GRIN2A: variants seen among roughly 807,000 people sequenced by gnomAD.
GRIN2A encodes the protein glutamate receptor ionotropic, NMDA 2A.
GRIN2A carries 22 observed loss-of-function variants against 113.4 expected under a neutral mutation model. The observed-to-expected ratio is 0.19, with a 90% confidence interval of 0.14 to 0.28. The LOEUF (loss-of-function observed/expected upper bound fraction) is 0.28, where lower values mean the gene tolerates loss of function less well. Ranked by LOEUF, GRIN2A falls within the 10% of genes least tolerant of loss-of-function variation. GRIN2A has a pLI of 1.00. For synonymous variants in GRIN2A, 827 were observed against 738.4 expected (o/e 1.12, Z -1.94); for missense variants, 1,502 against 1,887.0 (o/e 0.80, Z 3.78).
intron 3 of GRIN2A, among the ~76,000 whole-genome samples, chr16:9,927,618 A>G (rs1342416429): frequency 6.6e-6 from 1 of 152,176 alleles, no homozygotes; most frequent in Non-Finnish European, 1.5e-5. Context: ...AAACATCCTA[A>G]CTCACATCTA....
chr16:10,037,669 A>G (rs1461036564), intron 2 of GRIN2A, among the ~76,000 whole-genome samples: 2 of 152,134 alleles, frequency 1.3e-5, no homozygotes, highest in African/African-American at 2.4e-5. Flanking sequence ...ACTGTCACCC[A>G]GGCTGGTGTG....
At chr16:10,126,776 C>A (rs2142202169) in intron 2 of GRIN2A, among the ~76,000 whole-genome samples, 2 of 152,312 alleles carry the variant, frequency 1.3e-5, no homozygotes, top group South Asian at 4.1e-4. Flanking sequence ...AAAATATTGT[C>A]TTTGAAATAT....
At chr16:9,783,995 G>A (rs1244017864) in intron 11 of GRIN2A, among the ~76,000 whole-genome samples, 8 of 151,996 alleles carry the variant, frequency 5.3e-5, no homozygotes, top group Admixed American at 4.6e-4. Context: ...AGGAGGGAGA[G>A]GATCAGGAAA....
At chr16:9,835,112 C>A (rs1261433967) in intron 7 of GRIN2A, among the ~76,000 whole-genome samples, 1 of 152,216 alleles carries the variant, frequency 6.6e-6, no homozygotes, top group Non-Finnish European at 1.5e-5. Context: ...ACCACACTCT[C>A]CATTTCACCT....
chr16:10,176,614 C>A (rs991825503), intron 2 of GRIN2A, among the ~76,000 whole-genome samples: 2 of 149,584 alleles, frequency 1.3e-5, no homozygotes, highest in African/African-American at 4.9e-5. Context: ...AAACCAAACA[C>A]CGCATGTTCT....
intron 2 of GRIN2A, among the ~76,000 whole-genome samples, chr16:10,075,494 G>A (rs990268939): frequency 5.3e-5 from 8 of 152,092 alleles, no homozygotes; most frequent in Non-Finnish European, 8.8e-5. Flanking sequence ...GATTTGGAAC[G>A]ATGGAAAAGT....
intron 2 of GRIN2A, among the ~76,000 whole-genome samples, chr16:9,991,547 C>T (rs920297393): frequency 2.6e-5 from 4 of 152,184 alleles, no homozygotes; most frequent in African/African-American, 9.7e-5. Flanking sequence ...TTCTTCACCT[C>T]CTCCCATTCC....
intron 4 of GRIN2A, among the ~76,000 whole-genome samples, chr16:9,866,784 G>A (rs1223678195): frequency 6.6e-6 from 1 of 152,112 alleles, no homozygotes. Context: ...ACCACCTCCA[G>A]TCCACTGTAG....
chr16:9,855,206 T>G (rs1176003374), intron 4 of GRIN2A, among the ~76,000 whole-genome samples: 1 of 152,200 alleles, frequency 6.6e-6, no homozygotes, highest in Non-Finnish European at 1.5e-5. Context: ...TTGTCACTGC[T>G]TTAGCCATGT....
chr16:9,921,680 A>G (rs2044361068), intron 3 of GRIN2A, among the ~76,000 whole-genome samples: 1 of 152,198 alleles, frequency 6.6e-6, no homozygotes, highest in Non-Finnish European at 1.5e-5. Context: ...AAGTGTCTAC[A>G]CTATGCTGGG....
intron 11 of GRIN2A, among the ~76,000 whole-genome samples, chr16:9,795,499 TA>T (rs1902924944): frequency 6.6e-6 from 1 of 152,246 alleles, no homozygotes; most frequent in African/African-American, 2.4e-5. Context: ...TTAACTTTCT[TA>T]ATAAACTTGC....
At chr16:9,857,234 A>G (rs1048347567) in intron 4 of GRIN2A, among the ~76,000 whole-genome samples, 13 of 152,350 alleles carry the variant, frequency 8.5e-5, no homozygotes, top group Admixed American at 7.2e-4. Context: ...TGGATCAGCT[A>G]TCAGGATGGA....
intron 11 of GRIN2A, among the ~76,000 whole-genome samples, chr16:9,777,639 A>G (rs2267780): frequency 0.36 from 55,352 of 152,156 alleles, 11,239 homozygotes; most frequent in East Asian, 0.55. Flanking sequence ...TTTCTGCTCC[A>G]TGGATGAAAC....
At chr16:9,975,624 A>C (rs1567211099) in intron 2 of GRIN2A, among the ~76,000 whole-genome samples, 2 of 152,220 alleles carry the variant, frequency 1.3e-5, no homozygotes, top group Non-Finnish European at 2.9e-5. Flanking sequence ...GAAGAGAGAC[A>C]TGAAAAACAG....
chr16:10,170,309 G>T (rs954685321), intron 2 of GRIN2A, among the ~76,000 whole-genome samples: 1 of 152,190 alleles, frequency 6.6e-6, no homozygotes, highest in African/African-American at 2.4e-5. Flanking sequence ...CCCCCTTTCT[G>T]CAATAGTGAA....
At chr16:10,057,652 A>G (rs544487458) in intron 2 of GRIN2A, among the ~76,000 whole-genome samples, 1 of 152,038 alleles carries the variant, frequency 6.6e-6, no homozygotes, top group Non-Finnish European at 1.5e-5. Flanking sequence ...AAAAAAAATC[A>G]CTTCCCAAAG....
chr16:9,782,029 G>A (rs1901969126), intron 11 of GRIN2A, among the ~76,000 whole-genome samples: 2 of 152,140 alleles, frequency 1.3e-5, no homozygotes, highest in African/African-American at 4.8e-5. Flanking sequence ...AAATGTGTCT[G>A]CAAGTAACAG....
chr16:10,092,657 T>C (rs950159609), intron 2 of GRIN2A, among the ~76,000 whole-genome samples: 6 of 152,174 alleles, frequency 3.9e-5, no homozygotes, highest in East Asian at 1.9e-4. Context: ...TCAGTTCTAT[T>C]TTATCCCTTT....
chr16:10,077,766 C>G (rs748404595), intron 2 of GRIN2A, among the ~76,000 whole-genome samples: 14 of 152,212 alleles, frequency 9.2e-5, no homozygotes, highest in Non-Finnish European at 1.8e-4. Context: ...AGGGCCTTTG[C>G]ATATGCTATT....
Sources: gnomAD v4.1 joint callset for allele counts (sites outside exome capture counted in the v4.1 genomes callset) on GRCh38, gnomAD v4.1.1 for gene constraint, MANE v1.5 for transcripts, NCBI Gene and HGNC (gene_info 2026-07-23, HGNC 2026-07-21) for gene names.